The following NOX4 variants were observed in gnomAD, a reference collection of about 807,000 sequenced individuals.
NOX4 encodes the protein NADPH oxidase 4, also known as kidney oxidase-1.
In NOX4, 69 loss-of-function variants were observed where a neutral mutation model predicts 87.6. The observed-to-expected ratio is 0.79, with a 90% CI of 0.65 to 0.96. The LOEUF is 0.96. Ranked by LOEUF, NOX4 falls within the 40% of genes least tolerant of loss-of-function variation. The pLI, the probability that NOX4 is intolerant of heterozygous loss-of-function variation, is 0.00. For missense variants in NOX4, 680 were observed against 681.5 expected (o/e 1.00, Z 0.02); for synonymous variants, 275 against 238.2 (o/e 1.15, Z -1.42).
chr11:89,461,549 G>T (rs1446605067), intron 2 of NOX4, among the ~76,000 whole-genome samples: 1 of 151,502 alleles, frequency 6.6e-6, no homozygotes, highest in African/African-American at 2.4e-5. Flanking sequence ...GGAGGCTGAG[G>T]CAAGACAATG....
At chr11:89,374,198 G>A (rs1046360517) in intron 11 of NOX4, among the ~76,000 whole-genome samples, 1 of 152,118 alleles carries the variant, frequency 6.6e-6, no homozygotes, top group Non-Finnish European at 1.5e-5. Context: ...ACTTACCCTC[G>A]ATTCCAAAAT....
chr11:89,581,776 C>A, the NOX4 span, among the ~76,000 whole-genome samples: 1 of 152,110 alleles, frequency 6.6e-6, no homozygotes. Flanking sequence ...TTGGAGGTAA[C>A]TATACACCCA....
chr11:89,501,399 G>A (rs757236943), upstream of NOX4, among the ~76,000 whole-genome samples: 2 of 151,872 alleles, frequency 1.3e-5, no homozygotes, highest in Middle Eastern at 3.2e-3. Context: ...GTGGTATTAA[G>A]GTCGCTTATA....
intron 11 of NOX4, among the ~76,000 whole-genome samples, chr11:89,389,928 T>G (rs1941012911): frequency 6.6e-6 from 1 of 152,150 alleles, no homozygotes; most frequent in African/African-American, 2.4e-5. Context: ...AGGAATATAA[T>G]AAGAATTAAA....
intron 5 of NOX4, among the ~76,000 whole-genome samples, chr11:89,441,454 T>C (rs1056414652): frequency 2.0e-5 from 3 of 152,154 alleles, no homozygotes; most frequent in African/African-American, 7.2e-5. Flanking sequence ...TGTGCCTCCA[T>C]TGAATCTGGG....
intron 17 of NOX4, among the ~76,000 whole-genome samples, chr11:89,333,063 A>C (rs1945541581): frequency 6.6e-6 from 1 of 151,802 alleles, no homozygotes; most frequent in Non-Finnish European, 1.5e-5. Flanking sequence ...CTACTGCAAT[A>C]CTCTCACATG....
chr11:89,564,953 AG>A, the NOX4 span, among the ~76,000 whole-genome samples: 1 of 152,212 alleles, frequency 6.6e-6, no homozygotes, highest in Non-Finnish European at 1.5e-5. Context: ...AGTTGTGTGA[AG>A]TGAAAATTTT....
At chr11:89,417,852 T>C (rs1942868110) in intron 8 of NOX4, among the ~76,000 whole-genome samples, 1 of 152,098 alleles carries the variant, frequency 6.6e-6, no homozygotes. Flanking sequence ...ATTAATCCCA[T>C]TTAATTGCTA....
chr11:89,347,155 T>C (rs947014178), intron 13 of NOX4, among the ~76,000 whole-genome samples: 1 of 152,204 alleles, frequency 6.6e-6, no homozygotes, highest in African/African-American at 2.4e-5. Context: ...TGAATTACTG[T>C]GCTTGTAGAA....
At chr11:89,369,423 A>C (rs573984892) in intron 12 of NOX4, among the ~76,000 whole-genome samples, 1 of 152,230 alleles carries the variant, frequency 6.6e-6, no homozygotes, top group African/African-American at 2.4e-5. Context: ...CACAATCTCT[A>C]TAAGAGCGGA....
At chr11:89,495,749 C>T (rs1270123546), upstream of NOX4, among the ~76,000 whole-genome samples, 2 of 152,042 alleles carry the variant, frequency 1.3e-5, no homozygotes, top group African/African-American at 4.8e-5. Context: ...GTTAGCATTT[C>T]CCTCAAGAAG....
the NOX4 span, among the ~76,000 whole-genome samples, chr11:89,560,255 G>C: frequency 6.6e-6 from 1 of 152,070 alleles, no homozygotes; most frequent in South Asian, 2.1e-4. Flanking sequence ...AATGACCTCC[G>C]TCAGAAGCTA....
rs902293188 is a variant in NOX4, at chr11:89,363,612, T to C, written c.1136-8569A>G. Reference sequence around the variant, plus strand: ...ATTTCTAGGGATTTAAAGAAATTAATGGTTTGTCAAAATTTGGTATTTATT... The same window carrying C: ...ATTTCTAGGGATTTAAAGAAATTAACGGTTTGTCAAAATTTGGTATTTATT... On this transcript the variant is annotated intron_variant, in intron 12 of 17. Coordinates refer to ENST00000263317, the MANE Select transcript of NOX4 (RefSeq NM_016931.5). 3.9e-5 allele frequency among the ~76,000 whole-genome samples: 6 copies of C among 152,100 alleles called. No homozygotes were observed. The East Asian group carries it at 9.7e-4, about 25-fold the overall frequency.
the NOX4 span, among the ~76,000 whole-genome samples, chr11:89,514,122 C>A: frequency 2.6e-5 from 4 of 151,892 alleles, no homozygotes; most frequent in African/African-American, 7.2e-5. Flanking sequence ...AATATTAATT[C>A]TTTTGCTTCA....
chr11:89,398,345 C>A (rs1941625871), intron 11 of NOX4, among the ~76,000 whole-genome samples: 1 of 151,898 alleles, frequency 6.6e-6, no homozygotes, highest in Non-Finnish European at 1.5e-5. Context: ...TTATAACAAA[C>A]CCACAGCCAA....
At chr11:89,393,250 A>C (rs2135144975) in intron 11 of NOX4, among the ~76,000 whole-genome samples, 1 of 152,192 alleles carries the variant, frequency 6.6e-6, no homozygotes, top group East Asian at 1.9e-4. Flanking sequence ...CCTATCGAAG[A>C]ATTGTCTGAT....
intron 15 of NOX4, among the ~76,000 whole-genome samples, chr11:89,339,311 C>G (rs1169628800): frequency 6.6e-6 from 1 of 151,800 alleles, no homozygotes; most frequent in African/African-American, 2.4e-5. Context: ...GCACTAATAC[C>G]AAAAAATAGT....
chr11:89,325,115 C>CTTTTTTTTTTTTTTTTTTT lies in NOX4; in HGVS notation c.*1622_*1640dup, dbSNP rs141198784. 9 of 76,328 alleles carry CTTTTTTTTTTTTTTTTTTT rather than the reference C, an allele frequency of 1.2e-4. 2 individuals are homozygous for CTTTTTTTTTTTTTTTTTTT. The highest frequency in any genetic ancestry group is 9.6e-4 in the East Asian group (2 of 2,094). 4.7% of individuals were successfully genotyped at this position (76,328 alleles called of 1,614,324 possible). A position where few individuals can be genotyped will look rare whatever the true frequency, so the allele number is the denominator to read the frequency against. ...ACTAAACTGTATGAATGCTTTAATT[C>CTTTTTTTTTTTTTTTTTTT]TTTTTTTTTTTTTTTTTTTTTTTTT... On this transcript the variant is annotated 3_prime_UTR_variant, in exon 18 of 18. Coordinates refer to ENST00000263317, the MANE Select transcript of NOX4 (RefSeq NM_016931.5).
At chr11:89,560,996 C>CTCTCTATATATATATA in the NOX4 span, among the ~76,000 whole-genome samples, 4 of 40,804 alleles carry the variant, frequency 9.8e-5, no homozygotes, top group African/African-American at 5.2e-4. Context: ...CTCTCTCTCT[C>CTCTCTATATATATATA]TATATATATA....
Sources: allele counts gnomAD v4.1 joint callset (sites outside exome capture counted in the v4.1 genomes callset), GRCh38; gene constraint gnomAD v4.1.1; transcripts MANE v1.5; gene names NCBI Gene and HGNC (gene_info 2026-07-23, HGNC 2026-07-21).